Variants in FBXW2 observed in about 807,000 individuals in gnomAD.
FBXW2 encodes F-box and WD repeat domain containing 2, also known as F-box/WD repeat-containing protein 2.
In FBXW2, 12 loss-of-function variants were observed where a neutral mutation model predicts 46.0. The observed-to-expected ratio is 0.26, with a 90% CI of 0.17 to 0.42. The LOEUF (loss-of-function observed/expected upper bound fraction) is 0.42. Ranked by LOEUF, FBXW2 falls within the 10% of genes least tolerant of loss-of-function variation. The pLI, the probability that FBXW2 is intolerant of heterozygous loss-of-function variation, is 1.00. For synonymous variants in FBXW2, 203 were observed against 209.6 expected (o/e 0.97, Z 0.27); for missense variants, 360 against 537.0 (o/e 0.67, Z 3.26).
rs561278828 is a variant in FBXW2 at position 120,780,857 on chromosome 9, T to A, written c.491-2312A>T. Among the ~76,000 whole-genome samples the A allele has an allele frequency of 2.0e-5, 3 of 152,164 alleles. No individual in the cohort carries two copies. The South Asian group carries it at 6.2e-4, about 32-fold the overall frequency. On this transcript the variant is annotated intron_variant, in intron 3 of 7. Coordinates refer to ENST00000608872, the MANE Select transcript of FBXW2 (RefSeq NM_012164.4). ...AGCTGGCAGGCACTACAAAAGCCCA[T>A]AGCAAATACAAGGAGAGGACAAGAA...
At position 120,788,147 on chromosome 9, in the gene FBXW2, C is replaced by A; in HGVS notation, c.112G>T (p.Ala38Ser). 6.2e-7 allele frequency: 1 copy of A among 1,614,130 alleles called. No individual in the cohort carries two copies. The highest frequency in any genetic ancestry group is 8.5e-7 in the Non-Finnish European group (1 of 1,180,032). ...TTGGAGAGATGCCTGAGCTGGACTG[C>A]CCCACTCAGACTAATCAGGTGATCC... ...TLDHLISLSG[A>S]VQLRHLSNNL... is the part of the protein sequence containing the mutation. The change falls in exon 3 of 8, where the codon GCA becomes TCA. Residue 38 changes from alanine (A) to serine (S), a missense_variant. Ala to Ser is a moderately conservative substitution (Grantham distance 99). Transcript: ENST00000608872.
chr9:120,771,599 A>C, intron 6 of FBXW2, 82 bp from the exon 7 acceptor site: 1 of 1,267,366 alleles, frequency 7.9e-7, no homozygotes, highest in Middle Eastern at 2.4e-4. Context: ...TGCATTTGTG[A>C]AGTCAGATAG....
intron 3 of FBXW2, among the ~76,000 whole-genome samples, chr9:120,779,465 T>G (rs1194110804): frequency 3.3e-5 from 5 of 152,188 alleles, no homozygotes; most frequent in Middle Eastern, 6.3e-3. Flanking sequence ...AACCACTGTT[T>G]GAGACAATGG....
intron 3 of FBXW2, among the ~76,000 whole-genome samples, chr9:120,787,094 T>C (rs926801479): frequency 9.2e-5 from 14 of 152,314 alleles, no homozygotes; most frequent in Admixed American, 8.5e-4. Context: ...AGTGGCACCA[T>C]CTCAGCTCAC....
At position 120,785,111 on chromosome 9, in the gene FBXW2, C is replaced by T. The variant is rs566112458; in HGVS notation, c.490+2658G>A. 4.8e-3 allele frequency among the ~76,000 whole-genome samples: 732 copies of T among 151,336 alleles called. 9 individuals carry two copies. The highest frequency in any genetic ancestry group is 0.017 in the Middle Eastern group (5 of 292). ...GCAACCTCCACCTCCTGGGCTCAAG[C>T]GATCCTCTCACCTCAGTCTCCCAAG... On this transcript the variant is annotated intron_variant, in intron 3 of 7. Transcript: ENST00000608872.
chr9:120,790,428 G>A (rs1017428806), intron 2 of FBXW2, among the ~76,000 whole-genome samples: 2 of 152,066 alleles, frequency 1.3e-5, no homozygotes, highest in Admixed American at 6.6e-5. Flanking sequence ...AGCTTGCAGT[G>A]AGCCGAGATC....
At chr9:120,777,722 C>CAAAAAAAAA (rs982837832) in intron 4 of FBXW2, among the ~76,000 whole-genome samples, 2 of 144,626 alleles carry the variant, frequency 1.4e-5, no homozygotes, top group Non-Finnish European at 1.5e-5. Flanking sequence ...CCGCCCCCGC[C>CAAAAAAAAA]AAAAAAAAAG....
In FBXW2 at chr9:120,760,705, C is replaced by T. The variant is rs2044184058; in HGVS notation, c.*3854G>A. 1 of 152,102 alleles carries T rather than the reference C, an allele frequency of 6.6e-6. No individual in the cohort carries two copies. Among genetic ancestry groups the T allele is most frequent in the Admixed American group, 6.6e-5 (1 of 15,256 alleles). 9.4% of individuals were successfully genotyped at this position (152,102 alleles called of 1,614,324 possible). Reference sequence around the variant, plus strand: ...ATTCACCTCTAGGCAATCTGGAAGCCACACAGTAACAACTTCAAGTTGCCA... The same window carrying T: ...ATTCACCTCTAGGCAATCTGGAAGCTACACAGTAACAACTTCAAGTTGCCA... On this transcript the variant is annotated 3_prime_UTR_variant, in exon 8 of 8. Transcript: ENST00000608872.
intron 6 of FBXW2, among the ~76,000 whole-genome samples, 180 bp downstream of exon 6, chr9:120,772,574 G>A (rs1270157949): frequency 6.6e-6 from 1 of 152,146 alleles, no homozygotes; most frequent in African/African-American, 2.4e-5. Flanking sequence ...TCCAAGTTAA[G>A]AAACTACACA....
intron 2 of FBXW2, 125 bp from the exon 3 acceptor site, chr9:120,788,403 T>C (rs985193451): frequency 6.3e-6 from 5 of 793,692 alleles, no homozygotes; most frequent in Non-Finnish European, 1.0e-5. Flanking sequence ...CGTAGTTACA[T>C]TACAACTTTA....
rs142751308 is a variant in FBXW2, at chr9:120,772,465, C to T, written c.906+289G>A. Among the ~76,000 whole-genome samples the T allele has an allele frequency of 3.0e-3, 451 of 151,336 alleles. 4 individuals are homozygous for T. The highest frequency in any genetic ancestry group is 0.01 in the Middle Eastern group (3 of 294). Reference sequence around the variant, plus strand: ...CCAATATTGTGCCACTGCACTCCAACCTGGGCAACAGAGCGAGACTGTCTC... The same window carrying T: ...CCAATATTGTGCCACTGCACTCCAATCTGGGCAACAGAGCGAGACTGTCTC... On this transcript the variant is annotated intron_variant, in intron 6 of 7. Transcript: ENST00000608872.
rs2044202514 is a variant in FBXW2, at chr9:120,761,981, T to A, written c.*2578A>T. The A allele has an allele frequency of 1.3e-5, 2 of 152,252 alleles. No individual in the cohort carries two copies. The allele number at this position is 152,252 out of a possible 1,614,324, so 9.4% of individuals were successfully genotyped here. The stretch of plus-strand genomic sequence containing the variant: ...GCCCTTTGAAGCTATTGGATAGATC[T>A]GAAAGTGAGGTAGGGTGGGGATGGT... On this transcript the variant is annotated 3_prime_UTR_variant, in exon 8 of 8. Transcript: ENST00000608872.
intron 7 of FBXW2, among the ~76,000 whole-genome samples, chr9:120,768,092 CA>C (rs1051463206): frequency 6.6e-6 from 1 of 152,212 alleles, no homozygotes; most frequent in African/African-American, 2.4e-5. Flanking sequence ...GAATTTCCTT[CA>C]ATTTCTCAAA....
At chr9:120,787,621 G>T in intron 3 of FBXW2, 148 bp downstream of exon 3, 1 of 715,654 alleles carries the variant, frequency 1.4e-6, no homozygotes, top group East Asian at 2.8e-5. Context: ...AGGATAAGGG[G>T]GGGGAACCAC....
chr9:120,781,396 A>C (rs572483654), intron 3 of FBXW2, among the ~76,000 whole-genome samples: 1 of 152,346 alleles, frequency 6.6e-6, no homozygotes, highest in South Asian at 2.1e-4. Flanking sequence ...ACTGCCTAAA[A>C]CATGAACACT....
At chr9:120,788,988 A>T (rs188857126) in intron 2 of FBXW2, among the ~76,000 whole-genome samples, 42 of 152,326 alleles carry the variant, frequency 2.8e-4, no homozygotes, top group African/African-American at 7.9e-4. Flanking sequence ...TCTAAACCTC[A>T]TATGAGCTAG....
intron 3 of FBXW2, among the ~76,000 whole-genome samples, chr9:120,780,282 C>T (rs186158763): frequency 6.6e-6 from 1 of 150,430 alleles, no homozygotes; most frequent in Non-Finnish European, 1.5e-5. Context: ...CACTTGAACC[C>T]GGGAGGAGGT....
chr9:120,772,784 G>A lies in FBXW2; in HGVS notation c.876C>T (p.Ile292=), dbSNP rs773941673. 6.3e-7 allele frequency: 1 copy of A among 1,576,250 alleles called. No homozygotes were observed. Among genetic ancestry groups the A allele is most frequent in the Non-Finnish European group, 8.6e-7 (1 of 1,168,296 alleles). The change falls in exon 6 of 8, where the codon ATC becomes ATT. Residue 292 remains isoleucine, a synonymous_variant. Coordinates refer to ENST00000608872, the MANE Select transcript of FBXW2 (RefSeq NM_012164.4). ...TCTCATATTTGTCTGCACTTAAGAG[G>A]ATGTAGTCTCCAGGACTGTGCAAGA... ...KSLLHSPGDY[I]LLSADKYEIK... is the part of the protein sequence containing the mutation.
intron 3 of FBXW2, among the ~76,000 whole-genome samples, chr9:120,787,345 A>G (rs184509664): frequency 6.6e-6 from 1 of 152,162 alleles, no homozygotes; most frequent in Non-Finnish European, 1.5e-5. Context: ...CCCATATTTT[A>G]AAGATACAGA....
Sources: gnomAD v4.1 joint callset for allele counts (sites outside exome capture counted in the v4.1 genomes callset) on GRCh38, gnomAD v4.1.1 for gene constraint, MANE v1.5 for transcripts, NCBI Gene and HGNC (gene_info 2026-07-23, HGNC 2026-07-21) for gene names.